KATNA1: variants seen among roughly 807,000 people sequenced by gnomAD.
KATNA1 encodes the protein katanin catalytic subunit A1.
Under a neutral mutation model 62.6 loss-of-function variants are expected in KATNA1, and 42 were observed. The ratio of observed to expected loss-of-function variants is 0.67; its 90% confidence interval spans 0.52 to 0.87. The LOEUF (loss-of-function observed/expected upper bound fraction) is 0.87, where lower values mean the gene tolerates loss of function less well. KATNA1 is among the 40% of genes least tolerant of loss of function. The pLI, the probability that KATNA1 is intolerant of heterozygous loss-of-function variation, is 0.00. For missense variants in KATNA1, 498 were observed against 612.5 expected (o/e 0.81, Z 1.97); for synonymous variants, 186 against 201.9 (o/e 0.92, Z 0.67).
intron 3 of KATNA1, among the ~76,000 whole-genome samples, chr6:149,630,136 AT>A (rs1218811261): frequency 1.3e-5 from 2 of 152,162 alleles, no homozygotes; most frequent in African/African-American, 2.4e-5. Context: ...TGACTATGTG[AT>A]TTTCCCCCTA....
intron 3 of KATNA1, 47 bp from the exon 4 acceptor site, chr6:149,623,330 G>T (rs769185670): frequency 1.8e-5 from 25 of 1,376,002 alleles, no homozygotes; most frequent in Non-Finnish European, 2.5e-5. Flanking sequence ...TCCACATATG[G>T]ATGAACACAC....
intron 6 of KATNA1, among the ~76,000 whole-genome samples, chr6:149,602,512 A>G (rs1022015696): frequency 3.9e-5 from 6 of 152,146 alleles, no homozygotes; most frequent in Admixed American, 2.0e-4. Flanking sequence ...CAAATCCAAG[A>G]AAAGCTTTTT....
intron 7 of KATNA1, among the ~76,000 whole-genome samples, chr6:149,601,318 A>G (rs976016243): frequency 2.0e-5 from 3 of 152,220 alleles, no homozygotes; most frequent in African/African-American, 7.2e-5. Flanking sequence ...TTTAAAAAAC[A>G]TAATTTCAGA....
At chr6:149,617,971 A>T (rs12178571) in intron 4 of KATNA1, among the ~76,000 whole-genome samples, 56 of 67,598 alleles carry the variant, frequency 8.3e-4, no homozygotes, top group African/African-American at 4.0e-3. Context: ...AATAAATAAT[A>T]AAATAAATAA....
chr6:149,607,342 G>A (rs1203822817), intron 4 of KATNA1, among the ~76,000 whole-genome samples: 1 of 152,214 alleles, frequency 6.6e-6, no homozygotes, highest in African/African-American at 2.4e-5. Context: ...CTGGCCAGGT[G>A]CAGTGGCTCA....
chr6:149,595,539 A>T (rs1193749468), intron 10 of KATNA1, among the ~76,000 whole-genome samples: 3 of 152,194 alleles, frequency 2.0e-5, no homozygotes, highest in African/African-American at 7.2e-5. Flanking sequence ...TATTCAATAA[A>T]ATGAAGAATA....
At chr6:149,641,338 G>A (rs1030711911) in intron 1 of KATNA1, among the ~76,000 whole-genome samples, 5 of 151,536 alleles carry the variant, frequency 3.3e-5, no homozygotes, top group South Asian at 4.2e-4. Flanking sequence ...CACCACGCTC[G>A]GCTAATTTTT....
At chr6:149,648,817 T>C (rs530574171), upstream of KATNA1, 257 of 152,380 alleles carry the variant, frequency 1.7e-3, no homozygotes, top group Non-Finnish European at 3.2e-3. Context: ...TTGCACCGCC[T>C]CCTCCCGGCG....
chr6:149,610,007 G>A (rs1216000926), intron 4 of KATNA1, among the ~76,000 whole-genome samples: 1 of 150,010 alleles, frequency 6.7e-6, no homozygotes, highest in Non-Finnish European at 1.5e-5. Context: ...GCTGAGGCAG[G>A]AGAATCACTT....
intron 4 of KATNA1, among the ~76,000 whole-genome samples, chr6:149,620,699 ATATGTTAAT>A (rs1268571981): frequency 1.3e-5 from 2 of 152,210 alleles, no homozygotes; most frequent in Non-Finnish European, 2.9e-5. Context: ...GAGGTGATGG[ATATGTTAAT>A]TACTCTGATT....
Position 149,598,262 on chromosome 6 carries a change from C to T in KATNA1, c.977G>A (p.Ser326Asn). The change falls in exon 8 of 11, where the codon AGC becomes AAC. Residue 326 changes from serine (S) to asparagine (N), a missense_variant. Ser to Asn is a conservative substitution (Grantham distance 46). Around this residue, in one of 3 missense-constraint regions of KATNA1, gnomAD observed 267 missense variants for 372.6 expected, o/e 0.72. Transcript: ENST00000367411. Reference protein sequence around the residue: ...RRGTSEEHEASRRVKAELLVQ... With the variant: ...RRGTSEEHEANRRVKAELLVQ... ...CAGCAGCTCCGCTTTCACCCTTCTG[C>T]TTGCTTCATGTTCTTCAGAAGTCCC... 6.2e-7 allele frequency: 1 copy of T among 1,613,968 alleles called. No homozygotes were observed. Among genetic ancestry groups the T allele is most frequent in the Non-Finnish European group, 8.5e-7 (1 of 1,179,998 alleles).
intron 4 of KATNA1, among the ~76,000 whole-genome samples, chr6:149,617,939 A>AAAAT (rs1333260724): frequency 0.012 from 1,555 of 133,544 alleles, 26 homozygotes; most frequent in African/African-American, 0.036. Context: ...CTTGTCTCCA[A>AAAAT]AAATAAATAA....
At chr6:149,627,673 C>T (rs1779669626) in intron 3 of KATNA1, among the ~76,000 whole-genome samples, 1 of 127,480 alleles carries the variant, frequency 7.8e-6, no homozygotes. Flanking sequence ...CAGAGTGAGA[C>T]TCTGTCTCAA....
intron 3 of KATNA1, among the ~76,000 whole-genome samples, chr6:149,626,789 G>C (rs1779627697): frequency 6.6e-6 from 1 of 150,832 alleles, no homozygotes; most frequent in African/African-American, 2.5e-5. Flanking sequence ...TTCGAGAACA[G>C]CCTGGCCAAC....
rs187993418 is a variant in KATNA1, at chr6:149,596,522, G to A, written c.1277+541C>T. On this transcript the variant is annotated intron_variant, in intron 10 of 10. Transcript: ENST00000367411. ...TGCACTTCAGCCTGGGTGACAGAGC[G>A]AGACTCCGTCTCAAAAAACAAAACA... 3.6e-3 allele frequency among the ~76,000 whole-genome samples: 547 copies of A among 152,092 alleles called. 3 individuals carry two copies. Among genetic ancestry groups the A allele is most frequent in the African/African-American group, 0.013 (523 of 41,532 alleles).
intron 4 of KATNA1, among the ~76,000 whole-genome samples, chr6:149,617,939 AAAAT>A (rs1333260724): frequency 0.026 from 3,512 of 133,504 alleles, 64 homozygotes; most frequent in Non-Finnish European, 0.039. Flanking sequence ...CTTGTCTCCA[AAAAT>A]AAATAAATAA....
rs1029573645 is a variant in KATNA1, at chr6:149,646,155, T to C, written c.-14+2314A>G. On this transcript the variant is annotated intron_variant, in intron 1 of 10. Transcript: ENST00000367411. Reference sequence around the variant, plus strand: ...GGAACACCAACTAAGTTGCAAGGAATTGCACTGAAGACAAAAATAAGACAG... The same window carrying C: ...GGAACACCAACTAAGTTGCAAGGAACTGCACTGAAGACAAAAATAAGACAG... Among the ~76,000 whole-genome samples, 4 of 152,124 alleles carry C rather than the reference T, an allele frequency of 2.6e-5. No homozygotes were observed. The East Asian group carries it at 7.7e-4, about 29-fold the overall frequency.
chr6:149,640,312 CA>C (rs1255746578), intron 1 of KATNA1, among the ~76,000 whole-genome samples: 1 of 151,800 alleles, frequency 6.6e-6, no homozygotes, highest in Non-Finnish European at 1.5e-5. Flanking sequence ...CAAAAATTAG[CA>C]GAGCATGGTG....
chr6:149,616,344 T>C (rs1779165600), intron 4 of KATNA1, among the ~76,000 whole-genome samples: 1 of 152,234 alleles, frequency 6.6e-6, no homozygotes, highest in Admixed American at 6.5e-5. Context: ...CCCAATTACA[T>C]GGTTATTATC....
Sources: allele counts gnomAD v4.1 joint callset (sites outside exome capture counted in the v4.1 genomes callset), GRCh38; gene constraint gnomAD v4.1.1; regional missense constraint gnomAD v4.1.1; transcripts MANE v1.5; gene names NCBI Gene and HGNC (gene_info 2026-07-23, HGNC 2026-07-21).